SEPTIN6: variants seen among roughly 807,000 people sequenced by gnomAD.
SEPTIN6 encodes the protein septin 6, also known as septin-6.
In SEPTIN6, 8 loss-of-function variants were observed where a neutral mutation model predicts 33.6. The ratio of observed to expected loss-of-function variants is 0.24; its 90% CI spans 0.14 to 0.43. SEPTIN6 has a LOEUF of 0.43. Ranked by LOEUF, SEPTIN6 falls within the 20% of genes least tolerant of loss-of-function variation. The pLI is 1.00. For missense variants in SEPTIN6, 250 were observed against 340.8 expected (o/e 0.73, Z 2.10); for synonymous variants, 131 against 140.0 (o/e 0.94, Z 0.45).
At position 119,647,641 on chromosome X, in the gene SEPTIN6, G is replaced by A. The variant is rs1019064588; in HGVS notation, c.690+2296C>T. The stretch of plus-strand genomic sequence containing the variant: ...CAAGTAGCTGAGACTACAGGTGTGC[G>A]CCACAGCACCAGTTAATTTTTTCTT... On this transcript the variant is annotated intron_variant, in intron 5 of 10. Transcript: ENST00000394610. Among the ~76,000 whole-genome samples the A allele has an allele frequency of 1.8e-4, 19 of 108,008 alleles. No individual in the cohort carries two copies. In the Admixed American group the frequency reaches 1.8e-3, roughly 10 times the overall value. The allele number at this position is 108,008 out of a possible 115,157, so 93.8% of individuals were successfully genotyped here. A position where few individuals can be genotyped will look rare whatever the true frequency, so the allele number is the denominator to read the frequency against.
chrX:119,686,181 TC>T (rs1260527928), intron 1 of SEPTIN6, among the ~76,000 whole-genome samples: 2 of 112,091 alleles, frequency 1.8e-5, no homozygotes, highest in African/African-American at 6.5e-5. Flanking sequence ...CCAACTGCCC[TC>T]TGGGGAGCCT....
At chrX:119,636,807 C>T (rs886456264) in intron 7 of SEPTIN6, among the ~76,000 whole-genome samples, 2 of 111,009 alleles carry the variant, frequency 1.8e-5, no homozygotes, top group African/African-American at 3.3e-5. Context: ...AGCAAGGCGG[C>T]GGTACTTCCC....
At chrX:119,685,082 A>G (rs2055033759) in intron 1 of SEPTIN6, among the ~76,000 whole-genome samples, 1 of 112,136 alleles carries the variant, frequency 8.9e-6, no homozygotes, top group Admixed American at 9.5e-5. Context: ...GGCAAATCCA[A>G]TAGATGAAAC....
chrX:119,637,144 C>T lies in SEPTIN6; in HGVS notation c.839G>A (p.Arg280Gln), dbSNP rs774062800. ...DFVKLREMLIRVNMEDLREQT... is the reference protein window; with the variant it reads ...DFVKLREMLIQVNMEDLREQT... ...CTCCCGCAGATCCTCCATGTTGACC[C>T]GAATCAGCATCTCCCGCAGCTTCAC... The change falls in exon 7 of 11, where the codon CGG becomes CAG. Residue 280 changes from arginine (R) to glutamine (Q), a missense_variant. Around this residue, in one of 2 missense-constraint regions of SEPTIN6, gnomAD observed 139 missense variants for 227.0 expected, o/e 0.61. Coordinates refer to ENST00000394610, the MANE Select transcript of SEPTIN6 (RefSeq NM_145799.4). 23 of 1,209,775 alleles carry T rather than the reference C, an allele frequency of 1.9e-5. No individual in the cohort carries two copies. Among genetic ancestry groups the T allele is most frequent in the Non-Finnish European group, 2.3e-5 (21 of 895,017 alleles).
At chrX:119,668,385 C>T (rs2054685520) in intron 2 of SEPTIN6, among the ~76,000 whole-genome samples, 1 of 111,991 alleles carries the variant, frequency 8.9e-6, no homozygotes, top group African/African-American at 3.2e-5. Context: ...CAGGTTATCA[C>T]TAAGTTACTT....
At chrX:119,666,761 C>G (rs769563916) in intron 2 of SEPTIN6, among the ~76,000 whole-genome samples, 1 of 111,580 alleles carries the variant, frequency 9.0e-6, no homozygotes, top group Non-Finnish European at 1.9e-5. Flanking sequence ...TTTTCCTCCC[C>G]TAAAGGAACA....
At chrX:119,658,071 A>C (rs367626102) in intron 3 of SEPTIN6, among the ~76,000 whole-genome samples, 6 of 111,771 alleles carry the variant, frequency 5.4e-5, no homozygotes, top group African/African-American at 1.9e-4. Flanking sequence ...AGCTTGCAGT[A>C]AGCCGAGATA....
intron 3 of SEPTIN6, among the ~76,000 whole-genome samples, chrX:119,657,151 G>A (rs1468284862): frequency 2.5e-4 from 27 of 106,411 alleles, no homozygotes; most frequent in African/African-American, 7.2e-4. Flanking sequence ...CCTGGGAGGC[G>A]GAGGTTGCAG....
chrX:119,686,965 T>A (rs2055066642), intron 1 of SEPTIN6, among the ~76,000 whole-genome samples: 1 of 110,818 alleles, frequency 9.0e-6, no homozygotes, highest in Non-Finnish European at 1.9e-5. Context: ...CTTAGAAACA[T>A]CATGAAAAGA....
intron 1 of SEPTIN6, among the ~76,000 whole-genome samples, chrX:119,689,484 C>CT (rs761706170): frequency 9.0e-6 from 1 of 111,650 alleles, no homozygotes; most frequent in Non-Finnish European, 1.9e-5. Flanking sequence ...AAGCCACGAA[C>CT]TTTTTTTTGT....
At chrX:119,644,304 T>C (rs1373399129) in intron 5 of SEPTIN6, among the ~76,000 whole-genome samples, 2 of 111,406 alleles carry the variant, frequency 1.8e-5, no homozygotes. Flanking sequence ...TCGCAAGCCT[T>C]CCTTGGGAGT....
intron 1 of SEPTIN6, among the ~76,000 whole-genome samples, chrX:119,684,718 T>C (rs954798510): frequency 1.8e-5 from 2 of 110,638 alleles, no homozygotes; most frequent in African/African-American, 6.6e-5. Flanking sequence ...CTCGAACTCC[T>C]AACCTCAGGT....
chrX:119,662,420 C>A (rs1022457087), intron 3 of SEPTIN6, among the ~76,000 whole-genome samples: 1 of 111,926 alleles, frequency 8.9e-6, no homozygotes, highest in Non-Finnish European at 1.9e-5. Context: ...CTCTCCAAAG[C>A]TGGAAATTTG....
chrX:119,617,047 G>A lies in SEPTIN6; in HGVS notation c.*3046C>T. ...AACAAAAACAAGAGCCATCTACACT[G>A]CAGCTAGGGAAAGCAAACTTCTTGG... On this transcript the variant is annotated 3_prime_UTR_variant, in exon 11 of 11. Transcript: ENST00000394610. The A allele has an allele frequency of 2.1e-6, 2 of 941,011 alleles. No homozygotes were observed. The highest frequency in any genetic ancestry group is 2.6e-6 in the Non-Finnish European group (2 of 755,151). 77.5% of individuals were successfully genotyped at this position (941,011 alleles called of 1,213,427 possible).
At chrX:119,676,913 C>T (rs1213350463) in intron 1 of SEPTIN6, among the ~76,000 whole-genome samples, 1 of 112,085 alleles carries the variant, frequency 8.9e-6, no homozygotes, top group Non-Finnish European at 1.9e-5. Context: ...GGCTGTGTCA[C>T]CCTCAGACAA....
chrX:119,653,494 G>A (rs933201404), intron 3 of SEPTIN6, among the ~76,000 whole-genome samples: 2 of 112,490 alleles, frequency 1.8e-5, no homozygotes, highest in African/African-American at 6.5e-5. Flanking sequence ...GTCCCTCGGG[G>A]GGCCCCAACA....
At chrX:119,647,181 A>G (rs1327723156) in intron 5 of SEPTIN6, among the ~76,000 whole-genome samples, 3 of 110,068 alleles carry the variant, frequency 2.7e-5, no homozygotes, top group Non-Finnish European at 5.7e-5. Context: ...GTGAGCTGAA[A>G]TTGATTGCAT....
chrX:119,636,895 C>T (rs2054069769), intron 7 of SEPTIN6, 132 bp downstream of exon 7: 1 of 726,130 alleles, frequency 1.4e-6, no homozygotes, highest in Non-Finnish European at 2.0e-6. Context: ...GCAAGTGAGT[C>T]GCCCCTGCTC....
chrX:119,666,063 C>T (rs368634044), intron 2 of SEPTIN6, among the ~76,000 whole-genome samples: 1 of 98,035 alleles, frequency 1.0e-5, no homozygotes, highest in African/African-American at 3.9e-5. Flanking sequence ...GCCTGGGCGA[C>T]AGAGTGAGAC....
Sources: gnomAD v4.1 joint callset for allele counts (sites outside exome capture counted in the v4.1 genomes callset) on GRCh38, gnomAD v4.1.1 for gene constraint, gnomAD v4.1.1 regional missense constraint, MANE v1.5 for transcripts, NCBI Gene and HGNC (gene_info 2026-07-23, HGNC 2026-07-21) for gene names.